TACC2: variants seen among roughly 807,000 people sequenced by gnomAD.
TACC2 encodes transforming acidic coiled-coil containing protein 2, also known as transforming acidic coiled-coil-containing protein 2.
TACC2 carries 137 observed loss-of-function variants against 227.3 expected under a neutral mutation model. The ratio of observed to expected loss-of-function variants is 0.60; its 90% CI spans 0.52 to 0.69. TACC2 has a LOEUF of 0.69. Among genes scored for constraint, TACC2 ranks in the 30% least tolerant of loss-of-function variants. TACC2 has a pLI of 0.00. For synonymous variants in TACC2, 1,523 were observed against 1,487.5 expected (o/e 1.02, Z -0.55); for missense variants, 3,470 against 3,694.4 (o/e 0.94, Z 1.57).
intron 5 of TACC2, among the ~76,000 whole-genome samples, chr10:122,124,381 A>G (rs1427399344): frequency 1.3e-5 from 2 of 152,288 alleles, no homozygotes; most frequent in East Asian, 3.9e-4. Context: ...CTTCGGCTCC[A>G]CTGCCTGCAT....
At position 122,100,165 on chromosome 10, in the gene TACC2, G is replaced by A. The variant is rs552962631; in HGVS notation, c.5573+11574G>A. On this transcript the variant is annotated intron_variant, in intron 5 of 22. Transcript: ENST00000369005. ...TGTAGTCCCTGCTGCTCGGGAGGCT[G>A]AGACAGGAGAATCGTTTGAACTTGG... Among the ~76,000 whole-genome samples, 343 of 151,914 alleles carry A rather than the reference G, an allele frequency of 2.3e-3. 1 individual carries two copies. The highest frequency in any genetic ancestry group is 8.0e-3 in the African/African-American group (332 of 41,486).
intron 5 of TACC2, among the ~76,000 whole-genome samples, chr10:122,107,129 C>T (rs930068006): frequency 7.2e-5 from 11 of 152,214 alleles, no homozygotes; most frequent in Non-Finnish European, 1.3e-4. Flanking sequence ...ATTATTTAAA[C>T]AAAAGTAAGG....
chr10:122,180,333 C>G lies in TACC2; in HGVS notation c.5835-14707C>G, dbSNP rs1461149882. ...CTCCCTGCCTGAAACTTTCTTCCCC[C>G]CAGTTCTTTTTTTTTTTTTTTGGGT... On this transcript the variant is annotated intron_variant, in intron 7 of 22. Transcript: ENST00000369005. This position sits in a 1 kb window ranked among gnomAD's most constrained non-coding sequence, Gnocchi z 4.5. 6.6e-6 allele frequency among the ~76,000 whole-genome samples: 1 copy of G among 151,688 alleles called. No individual in the cohort carries two copies. Among genetic ancestry groups the G allele is most frequent in the Non-Finnish European group, 1.5e-5 (1 of 67,956 alleles).
intron 5 of TACC2, among the ~76,000 whole-genome samples, chr10:122,096,208 C>A (rs2081369115): frequency 6.6e-6 from 1 of 152,162 alleles, no homozygotes; most frequent in Admixed American, 6.5e-5. Context: ...AGGTGTCTTT[C>A]CTGCACCCAA....
At chr10:122,021,073 T>C (rs998972626) in intron 1 of TACC2, among the ~76,000 whole-genome samples, 1 of 151,992 alleles carries the variant, frequency 6.6e-6, no homozygotes, top group African/African-American at 2.4e-5. Context: ...CTACTAAAAA[T>C]ACAAAAATTA....
chr10:122,164,055 G>C, intron 7 of TACC2: 1 of 1,540,120 alleles, frequency 6.5e-7, no homozygotes, highest in Non-Finnish European at 8.8e-7. Context: ...CCCGGGCTTT[G>C]TTAGTGTCGC....
chr10:122,008,264 A>ATTATTATTATTATTATTTTAT, intron 1 of TACC2, among the ~76,000 whole-genome samples: 3 of 134,660 alleles, frequency 2.2e-5, no homozygotes, highest in African/African-American at 8.4e-5. Context: ...TATTATTATT[A>ATTATTATTATTATTATTTTAT]TTTTTTTTTT....
chr10:122,063,369 G>C (rs551494629), intron 3 of TACC2, among the ~76,000 whole-genome samples: 3 of 152,136 alleles, frequency 2.0e-5, no homozygotes, highest in Non-Finnish European at 4.4e-5. Context: ...TCCTTGTCCT[G>C]CTTCTGACTC....
At chr10:122,208,682 CA>C (rs1337091089) in intron 8 of TACC2, among the ~76,000 whole-genome samples, 1 of 152,194 alleles carries the variant, frequency 6.6e-6, no homozygotes, top group Non-Finnish European at 1.5e-5. Context: ...ATCTGAAATT[CA>C]AATCAGCTGA....
chr10:122,098,293 C>T (rs1287261284), intron 5 of TACC2, among the ~76,000 whole-genome samples: 1 of 152,164 alleles, frequency 6.6e-6, no homozygotes, highest in East Asian at 1.9e-4. Context: ...AAGCTATGAT[C>T]TTGTTTCTTG....
At chr10:122,096,757 T>C (rs895076160) in intron 5 of TACC2, among the ~76,000 whole-genome samples, 14 of 150,902 alleles carry the variant, frequency 9.3e-5, no homozygotes, top group African/African-American at 3.4e-4. Context: ...TGGGCAGACA[T>C]GTGGTTTTTC....
chr10:122,043,236 CCTACAAA>C (rs903509551), intron 2 of TACC2, among the ~76,000 whole-genome samples: 19 of 152,298 alleles, frequency 1.2e-4, no homozygotes, highest in African/African-American at 4.1e-4. Flanking sequence ...TAGTCTGCCA[CCTACAAA>C]CTACAGACAT....
chr10:122,121,503 A>C (rs1175334187), intron 5 of TACC2, among the ~76,000 whole-genome samples: 1 of 151,990 alleles, frequency 6.6e-6, no homozygotes, highest in Admixed American at 6.6e-5. Flanking sequence ...GCCCTATCCT[A>C]CCTCTCCAGG....
chr10:122,008,925 T>C (rs1428866649), intron 1 of TACC2, among the ~76,000 whole-genome samples: 2 of 152,238 alleles, frequency 1.3e-5, no homozygotes, highest in South Asian at 2.1e-4. Flanking sequence ...TAATAGTCCC[T>C]GCTGTGACCT....
intron 2 of TACC2, among the ~76,000 whole-genome samples, chr10:122,036,354 G>A (rs1960353993): frequency 6.6e-6 from 1 of 151,782 alleles, no homozygotes; most frequent in South Asian, 2.1e-4. Context: ...CACCACGCCC[G>A]GCTAATTTTT....
chr10:122,207,498 T>C (rs558588529), intron 8 of TACC2, among the ~76,000 whole-genome samples: 1 of 152,212 alleles, frequency 6.6e-6, no homozygotes, highest in African/African-American at 2.4e-5. Flanking sequence ...TTGTCACAGC[T>C]GGGGTAAGGG....
Position 122,194,822 on chromosome 10 carries a change from G to A in TACC2, c.5835-218G>A, listed in dbSNP as rs972542986. On this transcript the variant is annotated intron_variant, in intron 7 of 22. Coordinates refer to ENST00000369005, the MANE Select transcript of TACC2 (RefSeq NM_206862.4). This position sits in a 1 kb window ranked among gnomAD's most constrained non-coding sequence, Gnocchi z 4.4. ...AGAAGCGTGTATTTCCAGTAGAGCCGAGTTCAAAGAATACATCATTTGTGT... is the reference window on the plus strand; with the variant it reads ...AGAAGCGTGTATTTCCAGTAGAGCCAAGTTCAAAGAATACATCATTTGTGT... 2.6e-5 allele frequency among the ~76,000 whole-genome samples: 4 copies of A among 152,196 alleles called. No individual in the cohort carries two copies. The highest frequency in any genetic ancestry group is 1.9e-4 in the East Asian group (1 of 5,200).
Position 122,210,274 on chromosome 10 carries a change from C to G in TACC2, c.5972-123C>G, listed in dbSNP as rs758988184. The G allele has an allele frequency of 6.7e-6, 5 of 747,158 alleles. No homozygotes were observed. The East Asian group carries it at 1.3e-4, about 20-fold the overall frequency. 46.3% of individuals were successfully genotyped at this position (747,158 alleles called of 1,614,324 possible). On this transcript the variant is annotated intron_variant, in intron 8 of 22. Coordinates refer to ENST00000369005, the MANE Select transcript of TACC2 (RefSeq NM_206862.4). The surrounding 1 kb of genome is among the most constrained non-coding windows in gnomAD (Gnocchi z 4.6). ...CCCAAGTAGTACACACAGTGATGGG[C>G]GGGGTGGCCTGGGGCCGTGGTTTGT... is the stretch of plus-strand genomic sequence containing the variant.
chr10:121,996,492 G>C (rs1003972127), intron 1 of TACC2, among the ~76,000 whole-genome samples: 2 of 152,130 alleles, frequency 1.3e-5, no homozygotes, highest in Non-Finnish European at 2.9e-5. Context: ...TCCAATGCTG[G>C]GGATCACATT....
Sources: gnomAD v4.1 joint callset for allele counts (sites outside exome capture counted in the v4.1 genomes callset) on GRCh38, gnomAD v4.1.1 for gene constraint, Gnocchi (gnomAD v3.1) non-coding constraint, MANE v1.5 for transcripts, NCBI Gene and HGNC (gene_info 2026-07-23, HGNC 2026-07-21) for gene names.